The following STAP1 variants were observed in gnomAD, a reference collection of about 807,000 sequenced individuals.
The protein encoded by STAP1 is signal transducing adaptor family member 1.
In STAP1, 30 loss-of-function variants were observed where a neutral mutation model predicts 37.8. That is an observed-to-expected ratio of 0.79 (90% CI 0.59 to 1.08). STAP1 has a LOEUF of 1.08. STAP1 is among the 50% of genes least tolerant of loss of function. The pLI, the probability that STAP1 is intolerant of heterozygous loss-of-function variation, is 0.00. For missense variants in STAP1, 357 were observed against 349.4 expected (o/e 1.02, Z -0.17); for synonymous variants, 130 against 116.0 (o/e 1.12, Z -0.78).
At chr4:67,597,750 C>T (rs368127104) in intron 8 of STAP1, among the ~76,000 whole-genome samples, 24 of 152,268 alleles carry the variant, frequency 1.6e-4, no homozygotes, top group African/African-American at 3.1e-4. Flanking sequence ...GCATGGATCC[C>T]GTAGCCCCTT....
At chr4:67,588,039 TAAAAAAAAA>T (rs3032636) in intron 6 of STAP1, among the ~76,000 whole-genome samples, 1,803 of 85,650 alleles carry the variant, frequency 0.021, 33 homozygotes, top group Admixed American at 0.044. Flanking sequence ...CACATTTTCT[TAAAAAAAAA>T]AAAAAAAAAA....
In STAP1 at chr4:67,593,315, G is replaced by T. The variant is rs267600208; in HGVS notation, c.785G>T (p.Gly262Val). ...VIDYFVKETR[G>V]NLRPFICSTD... The stretch of plus-strand genomic sequence containing the variant: ...GATTATTTTGTGAAGGAGACTCGAG[G>T]AAATTTAAGACCATTTATATGTTCA... Residue 262 changes from glycine to valine, a missense_variant, in exon 8 of 9, where the codon GGA (glycine) becomes GTA (valine). By Grantham distance (109) the Gly-to-Val change is moderately radical (BLOSUM62 -3). Coordinates refer to ENST00000265404, the MANE Select transcript of STAP1 (RefSeq NM_012108.4). 1 of 1,613,276 alleles carries T rather than the reference G, an allele frequency of 6.2e-7. No individual in the cohort carries two copies. The highest frequency in any genetic ancestry group is 8.5e-7 in the Non-Finnish European group (1 of 1,179,680).
At chr4:67,573,235 A>C (rs1435659031) in intron 2 of STAP1, among the ~76,000 whole-genome samples, 3 of 152,210 alleles carry the variant, frequency 2.0e-5, no homozygotes, top group Non-Finnish European at 4.4e-5. Flanking sequence ...GTTGTGGCTT[A>C]ATACAAGAAA....
chr4:67,568,410 T>A (rs1463267675), intron 1 of STAP1, among the ~76,000 whole-genome samples: 15 of 152,314 alleles, frequency 9.8e-5, no homozygotes, highest in African/African-American at 2.4e-4. Context: ...GGAATTTTTT[T>A]AAAACACACT....
intron 6 of STAP1, among the ~76,000 whole-genome samples, chr4:67,586,863 GA>G (rs1180483911): frequency 6.6e-6 from 1 of 152,168 alleles, no homozygotes; most frequent in Non-Finnish European, 1.5e-5. Flanking sequence ...TTCATATTTG[GA>G]AAGCAAGAAG....
At chr4:67,569,531 C>A (rs1258330054) in intron 1 of STAP1, among the ~76,000 whole-genome samples, 1 of 152,110 alleles carries the variant, frequency 6.6e-6, no homozygotes, top group Non-Finnish European at 1.5e-5. Context: ...AACAAAAACA[C>A]ATTGTACAGC....
intron 4 of STAP1, among the ~76,000 whole-genome samples, chr4:67,577,635 T>TTTTC (rs199657244): frequency 0.19 from 25,602 of 136,774 alleles, 2,430 homozygotes; most frequent in South Asian, 0.25. Context: ...ATTTCTTTTC[T>TTTTC]TTTCTTTCTT....
chr4:67,569,528 A>G (rs894469463), intron 1 of STAP1, among the ~76,000 whole-genome samples: 1 of 152,166 alleles, frequency 6.6e-6, no homozygotes, highest in Non-Finnish European at 1.5e-5. Flanking sequence ...TAAAACAAAA[A>G]CACATTGTAC....
intron 8 of STAP1, among the ~76,000 whole-genome samples, chr4:67,600,810 T>C (rs1188457068): frequency 6.6e-6 from 1 of 152,216 alleles, no homozygotes; most frequent in Non-Finnish European, 1.5e-5. Flanking sequence ...TGATTTTAGA[T>C]TTCTATTTGT....
chr4:67,600,102 T>C (rs1247698414), intron 8 of STAP1, among the ~76,000 whole-genome samples: 2 of 152,220 alleles, frequency 1.3e-5, no homozygotes, highest in African/African-American at 4.8e-5. Flanking sequence ...GGTTGTTTAT[T>C]TGAAACTTTT....
At chr4:67,579,681 T>A (rs1222737572) in intron 4 of STAP1, among the ~76,000 whole-genome samples, 3 of 151,808 alleles carry the variant, frequency 2.0e-5, no homozygotes, top group African/African-American at 4.8e-5. Flanking sequence ...CCACACACTT[T>A]TAAATGACTA....
intron 1 of STAP1, among the ~76,000 whole-genome samples, chr4:67,566,365 TA>T (rs1727471351): frequency 6.6e-6 from 1 of 152,226 alleles, no homozygotes; most frequent in Non-Finnish European, 1.5e-5. Flanking sequence ...TTACTTTTAT[TA>T]TTGACAAATT....
At chr4:67,567,379 T>C (rs976729132) in intron 1 of STAP1, among the ~76,000 whole-genome samples, 1 of 152,012 alleles carries the variant, frequency 6.6e-6, no homozygotes, top group African/African-American at 2.4e-5. Context: ...GGGGGGAGGA[T>C]AGAGTGAAAA....
intron 8 of STAP1, among the ~76,000 whole-genome samples, chr4:67,596,692 A>AT (rs1244798992): frequency 2.6e-5 from 4 of 152,194 alleles, no homozygotes; most frequent in Non-Finnish European, 5.9e-5. Flanking sequence ...GACTTGTGGC[A>AT]TTTTGCCCCA....
intron 1 of STAP1, among the ~76,000 whole-genome samples, chr4:67,568,138 G>A (rs1213512222): frequency 1.3e-5 from 2 of 152,114 alleles, no homozygotes; most frequent in African/African-American, 2.4e-5. Flanking sequence ...TTATAGAGTC[G>A]TCATTATTTG....
At chr4:67,594,655 C>G (rs1443906985) in intron 8 of STAP1, among the ~76,000 whole-genome samples, 1 of 152,148 alleles carries the variant, frequency 6.6e-6, no homozygotes, top group Admixed American at 6.5e-5. Flanking sequence ...TTAAAAATGT[C>G]TACAATGTCT....
intron 1 of STAP1, among the ~76,000 whole-genome samples, chr4:67,565,707 G>A (rs1727450742): frequency 6.6e-6 from 1 of 152,082 alleles, no homozygotes; most frequent in Non-Finnish European, 1.5e-5. Flanking sequence ...AGGAGGTGGT[G>A]TTGTGTTTAT....
At chr4:67,566,263 T>C (rs376507457) in intron 1 of STAP1, among the ~76,000 whole-genome samples, 5 of 152,228 alleles carry the variant, frequency 3.3e-5, no homozygotes, top group African/African-American at 1.2e-4. Context: ...CCCTCTTTTT[T>C]ACATTTTTTA....
intron 7 of STAP1, among the ~76,000 whole-genome samples, chr4:67,592,075 C>T (rs1728130190): frequency 6.6e-6 from 1 of 151,978 alleles, no homozygotes; most frequent in Non-Finnish European, 1.5e-5. Flanking sequence ...TTTCATTTTT[C>T]ACCCTCCCCA....
Sources: gnomAD v4.1 joint callset for allele counts (sites outside exome capture counted in the v4.1 genomes callset) on GRCh38, gnomAD v4.1.1 for gene constraint, MANE v1.5 for transcripts, NCBI Gene and HGNC (gene_info 2026-07-23, HGNC 2026-07-21) for gene names.